PPP6R3: variants seen among roughly 807,000 people sequenced by gnomAD.
PPP6R3 encodes the protein protein phosphatase 6 regulatory subunit 3, also known as serine/threonine-protein phosphatase 6 regulatory subunit 3.
PPP6R3 carries 38 observed loss-of-function variants against 110.7 expected under a neutral mutation model. The observed-to-expected ratio is 0.34, with a 90% CI of 0.26 to 0.45. The LOEUF (loss-of-function observed/expected upper bound fraction) is 0.45. Among genes scored for constraint, PPP6R3 ranks in the 20% least tolerant of loss-of-function variants. The pLI is 1.00. For synonymous variants in PPP6R3, 369 were observed against 373.5 expected (o/e 0.99, Z 0.14); for missense variants, 870 against 1,062.4 (o/e 0.82, Z 2.52).
intron 1 of PPP6R3, among the ~76,000 whole-genome samples, chr11:68,461,468 C>T (rs942474825): frequency 2.8e-5 from 4 of 144,906 alleles, no homozygotes; most frequent in African/African-American, 1.0e-4. Flanking sequence ...GTCTCGAATG[C>T]CTCCCTGGTG....
chr11:68,512,596 A>G (rs2099116306), intron 1 of PPP6R3, among the ~76,000 whole-genome samples: 3 of 152,182 alleles, frequency 2.0e-5, no homozygotes, highest in Admixed American at 2.0e-4. Flanking sequence ...CTTTATTCGT[A>G]AATTAAGTAT....
rs1944906967 is a variant in PPP6R3 at position 68,614,774 on chromosome 11, T to G, written c.*1657T>G. On this transcript the variant is annotated 3_prime_UTR_variant, in exon 24 of 24. Transcript: ENST00000393800. ...GAGCCCCTCTCTGAAGAGACTGTCC[T>G]TGGGCCTCCTCTGGAAGCAGCACCC... is the stretch of plus-strand genomic sequence containing the variant. The G allele has an allele frequency of 6.5e-7, 1 of 1,540,972 alleles. No homozygotes were observed. Among genetic ancestry groups the G allele is most frequent in the Admixed American group, 2.0e-5 (1 of 50,820 alleles).
intron 17 of PPP6R3, 143 bp downstream of exon 17, chr11:68,590,857 C>T (rs776558395): frequency 6.7e-5 from 68 of 1,017,122 alleles, no homozygotes; most frequent in South Asian, 2.1e-4. Context: ...CTCTGTCCCA[C>T]GGCCTACCTG....
chr11:68,525,914 C>A, intron 2 of PPP6R3, among the ~76,000 whole-genome samples: 1 of 152,196 alleles, frequency 6.6e-6, no homozygotes, highest in Admixed American at 6.5e-5. Context: ...TTAATACAAA[C>A]CACACTGACT....
At chr11:68,539,045 G>A (rs76805560) in intron 3 of PPP6R3, among the ~76,000 whole-genome samples, 1,623 of 152,312 alleles carry the variant, frequency 0.011, 37 homozygotes, top group African/African-American at 0.037. Context: ...ACTTGAGCCC[G>A]GGAGGCCGTG....
intron 11 of PPP6R3, among the ~76,000 whole-genome samples, chr11:68,570,510 T>C (rs984491351): frequency 1.3e-5 from 2 of 152,370 alleles, no homozygotes; most frequent in Middle Eastern, 3.4e-3. Context: ...TGAGAAGAAC[T>C]AGCCCTGCAC....
chr11:68,609,816 C>T, intron 22 of PPP6R3, 88 bp from the exon 23 acceptor site: 1 of 1,596,302 alleles, frequency 6.3e-7, no homozygotes. Context: ...GTCATGACTC[C>T]AGAGCCATCT....
Position 68,600,336 on chromosome 11 carries a change from T to C in PPP6R3, c.2039-5T>C. On this transcript the variant is annotated splice_region_variant and splice_polypyrimidine_tract_variant and intron_variant, in intron 19 of 23. Coordinates refer to ENST00000393800, the MANE Select transcript of PPP6R3 (RefSeq NM_001164161.2). ...TTCCAAATAGAATTTCTCCCCTCTTTTTAGCACCCAACTGGTCAGCTAACT... is the reference window on the plus strand; with the variant it reads ...TTCCAAATAGAATTTCTCCCCTCTTCTTAGCACCCAACTGGTCAGCTAACT... 2 of 1,613,288 alleles carry C rather than the reference T, an allele frequency of 1.2e-6. No individual in the cohort carries two copies. The highest frequency in any genetic ancestry group is 1.7e-6 in the Non-Finnish European group (2 of 1,179,320).
intron 1 of PPP6R3, among the ~76,000 whole-genome samples, chr11:68,468,069 C>T (rs1437429978): frequency 6.6e-6 from 1 of 152,160 alleles, no homozygotes; most frequent in Non-Finnish European, 1.5e-5. Context: ...CCACCACGCC[C>T]AGCGCATTTA....
At chr11:68,551,338 C>G in intron 6 of PPP6R3, 152 bp downstream of exon 6, 2 of 618,600 alleles carry the variant, frequency 3.2e-6, no homozygotes, top group Non-Finnish European at 5.4e-6. Flanking sequence ...TGATACTTTT[C>G]TAAACAATAT....
intron 1 of PPP6R3, among the ~76,000 whole-genome samples, chr11:68,507,884 A>T (rs972297591): frequency 1.3e-5 from 2 of 152,114 alleles, no homozygotes; most frequent in Non-Finnish European, 2.9e-5. Flanking sequence ...ATGAGTTTAC[A>T]TCAGGAATAT....
chr11:68,550,040 T>C (rs1178036586), intron 5 of PPP6R3, among the ~76,000 whole-genome samples: 1 of 152,156 alleles, frequency 6.6e-6, no homozygotes, highest in East Asian at 1.9e-4. Flanking sequence ...CTCCTCTGTT[T>C]CGGGACATTA....
chr11:68,515,474 G>T (rs1251986416), intron 1 of PPP6R3, among the ~76,000 whole-genome samples: 1 of 152,234 alleles, frequency 6.6e-6, no homozygotes, highest in East Asian at 1.9e-4. Context: ...ACATAGAGAA[G>T]AGAAAGAAAA....
intron 12 of PPP6R3, among the ~76,000 whole-genome samples, chr11:68,572,598 C>T (rs1365237362): frequency 6.6e-6 from 1 of 152,022 alleles, no homozygotes; most frequent in East Asian, 1.9e-4. Context: ...GCCTGTAATC[C>T]CACTGCTTTG....
At chr11:68,538,469 GT>G (rs1453012516) in intron 3 of PPP6R3, among the ~76,000 whole-genome samples, 1 of 152,236 alleles carries the variant, frequency 6.6e-6, no homozygotes, top group Admixed American at 6.5e-5. Flanking sequence ...AAGTATTGGG[GT>G]TTCAGTTAAT....
intron 1 of PPP6R3, among the ~76,000 whole-genome samples, chr11:68,501,883 A>G (rs1380225519): frequency 1.3e-5 from 2 of 152,242 alleles, no homozygotes; most frequent in Non-Finnish European, 2.9e-5. Context: ...CTCACTTAAC[A>G]CCATTAACAG....
chr11:68,551,962 C>T (rs1048447218), intron 6 of PPP6R3, among the ~76,000 whole-genome samples: 14 of 152,156 alleles, frequency 9.2e-5, no homozygotes, highest in Non-Finnish European at 1.8e-4. Flanking sequence ...CAGGTTTGGC[C>T]TTAGTCCTAG....
intron 16 of PPP6R3, among the ~76,000 whole-genome samples, chr11:68,588,458 CGTG>C (rs2099585601): frequency 6.6e-6 from 1 of 151,840 alleles, no homozygotes; most frequent in Admixed American, 6.6e-5. Context: ...CAGAGCATGA[CGTG>C]GTCCCTTTTT....
intron 23 of PPP6R3, among the ~76,000 whole-genome samples, chr11:68,610,407 C>T (rs957006687): frequency 2.0e-5 from 3 of 152,140 alleles, no homozygotes; most frequent in Non-Finnish European, 2.9e-5. Flanking sequence ...CCGCCAGGCA[C>T]GAGCAGATCG....
Sources: allele counts gnomAD v4.1 joint callset (sites outside exome capture counted in the v4.1 genomes callset), GRCh38; gene constraint gnomAD v4.1.1; transcripts MANE v1.5; gene names NCBI Gene and HGNC (gene_info 2026-07-23, HGNC 2026-07-21).